The following PCBP3 variants were observed in gnomAD, a reference collection of about 807,000 sequenced individuals.
PCBP3 encodes poly(rC)-binding protein 3.
Under a neutral mutation model 52.7 loss-of-function variants are expected in PCBP3, and 25 were observed. That is an observed-to-expected ratio of 0.47 (90% CI 0.35 to 0.66). The LOEUF is 0.66. Ranked by LOEUF, PCBP3 falls within the 30% of genes least tolerant of loss-of-function variation. PCBP3 has a pLI of 0.01. For missense variants in PCBP3, 391 were observed against 490.3 expected, an observed-to-expected ratio of 0.80 and a Z score of 1.91; for synonymous variants, 162 against 183.0, an observed-to-expected ratio of 0.89 and a Z score of 0.93.
chr21:45,779,901 G>A (rs1369335553), intron 4 of PCBP3, among the ~76,000 whole-genome samples: 2 of 152,152 alleles, frequency 1.3e-5, no homozygotes, highest in Non-Finnish European at 2.9e-5. Flanking sequence ...AATGCAGTGT[G>A]GTATTGCTGT....
intron 3 of PCBP3, among the ~76,000 whole-genome samples, chr21:45,742,322 T>C (rs1198747428): frequency 6.6e-6 from 1 of 152,242 alleles, no homozygotes; most frequent in Non-Finnish European, 1.5e-5. Flanking sequence ...CCAGAGTGCC[T>C]GTGCTGTTGT....
intron 2 of PCBP3, among the ~76,000 whole-genome samples, chr21:45,686,461 T>C (rs1205981336): frequency 1.3e-5 from 2 of 152,174 alleles, no homozygotes; most frequent in Non-Finnish European, 2.9e-5. Context: ...TACTATTCTT[T>C]TAAAAAATAA....
At chr21:45,753,380 T>C (rs760925994) in intron 3 of PCBP3, among the ~76,000 whole-genome samples, 2 of 152,060 alleles carry the variant, frequency 1.3e-5, no homozygotes, top group Non-Finnish European at 2.9e-5. Flanking sequence ...AAGCAAATTT[T>C]GTCTGATGTA....
intron 5 of PCBP3, among the ~76,000 whole-genome samples, chr21:45,867,076 C>T (rs948611836): frequency 9.2e-5 from 14 of 152,212 alleles, no homozygotes; most frequent in Non-Finnish European, 1.8e-4. Flanking sequence ...TTCAAAAACA[C>T]GGTTTAGTAC....
intron 5 of PCBP3, among the ~76,000 whole-genome samples, chr21:45,854,456 C>G (rs904374427): frequency 1.3e-5 from 2 of 152,178 alleles, no homozygotes; most frequent in Admixed American, 1.3e-4. Flanking sequence ...ATCCTACTCT[C>G]TGTCTCTAGG....
intron 4 of PCBP3, chr21:45,848,118 A>T (rs2093855869): frequency 6.6e-6 from 1 of 152,280 alleles, no homozygotes; most frequent in African/African-American, 2.4e-5. Flanking sequence ...CAAAACGCAC[A>T]AACAAAGCAA....
chr21:45,892,455 G>A (rs574458822), intron 5 of PCBP3, among the ~76,000 whole-genome samples: 2 of 127,874 alleles, frequency 1.6e-5, no homozygotes, highest in Admixed American at 8.2e-5. Flanking sequence ...GCGCAGTCCC[G>A]TCTCTGACGG....
chr21:45,809,639 G>GCCA (rs2092621741), intron 4 of PCBP3, among the ~76,000 whole-genome samples: 1 of 152,116 alleles, frequency 6.6e-6, no homozygotes, highest in African/African-American at 2.4e-5. Context: ...CCCCCCTGCC[G>GCCA]CTGCCACTAC....
rs1356356247 is a variant in PCBP3 at position 45,865,318 on chromosome 21, A to G, written c.10+15223A>G. On this transcript the variant is annotated intron_variant, in intron 5 of 17. Coordinates refer to ENST00000681687, the MANE Select transcript of PCBP3 (RefSeq NM_001384156.1). ...CTGCTCATGTTTAAAAAATTACAAA[A>G]TCGTAGCCCACCCCCAGTCGCCTTT... 2.0e-5 allele frequency among the ~76,000 whole-genome samples: 3 copies of G among 152,186 alleles called. No homozygotes were observed. The East Asian group carries it at 5.8e-4, about 29-fold the overall frequency.
At chr21:45,675,604 G>T (rs2081415185) in intron 2 of PCBP3, among the ~76,000 whole-genome samples, 2 of 152,340 alleles carry the variant, frequency 1.3e-5, no homozygotes, top group South Asian at 4.1e-4. Flanking sequence ...TGAAAGCAGA[G>T]CGGGGCCTCA....
At chr21:45,919,604 C>T (rs925656025) in intron 13 of PCBP3, 1 of 152,224 alleles carries the variant, frequency 6.6e-6, no homozygotes, top group Non-Finnish European at 1.5e-5. Context: ...AGCCTTTCCC[C>T]ACCTGCCCCA....
rs8130554 is a variant in PCBP3 at position 45,860,999 on chromosome 21, C to T, written c.10+10904C>T. 3.0e-3 allele frequency among the ~76,000 whole-genome samples: 456 copies of T among 152,328 alleles called. 1 individual carries two copies. Among genetic ancestry groups the T allele is most frequent in the Non-Finnish European group, 4.8e-3 (328 of 68,022 alleles). ...CCCCTCGCCCTCACTGGGCTCTTGG[C>T]GGCACTGAGCCAGCGGCTCCTCCTG... On this transcript the variant is annotated intron_variant, in intron 5 of 17. Coordinates refer to ENST00000681687, the MANE Select transcript of PCBP3 (RefSeq NM_001384156.1).
rs186223102 is a variant in PCBP3 at position 45,852,744 on chromosome 21, C to T, written c.10+2649C>T. On this transcript the variant is annotated intron_variant, in intron 5 of 17. Transcript: ENST00000681687. Reference sequence around the variant, plus strand: ...AGAAGGAACACAGCCCTGCAGCCACCGTGACTTTTGTTCAGAAGGAACACA... The same window carrying T: ...AGAAGGAACACAGCCCTGCAGCCACTGTGACTTTTGTTCAGAAGGAACACA... 3.9e-5 allele frequency among the ~76,000 whole-genome samples: 6 copies of T among 152,126 alleles called. No individual in the cohort carries two copies. The East Asian group carries it at 9.7e-4, about 24-fold the overall frequency.
intron 9 of PCBP3, among the ~76,000 whole-genome samples, chr21:45,906,406 T>G (rs1603483853): frequency 7.6e-6 from 1 of 131,674 alleles, no homozygotes; most frequent in Admixed American, 7.5e-5. Context: ...GCCGTAGGGG[T>G]GGGGTCGGGC....
intron 4 of PCBP3, among the ~76,000 whole-genome samples, chr21:45,769,167 C>A (rs2089639888): frequency 6.6e-6 from 1 of 152,250 alleles, no homozygotes; most frequent in Non-Finnish European, 1.5e-5. Flanking sequence ...TGGGCATTGG[C>A]TAAGGCCCAG....
intron 5 of PCBP3, among the ~76,000 whole-genome samples, chr21:45,892,264 G>A (rs1014299763): frequency 6.6e-6 from 1 of 152,202 alleles, no homozygotes; most frequent in Non-Finnish European, 1.5e-5. Flanking sequence ...ACCGTTTCCT[G>A]TCTTCTGGTC....
intron 4 of PCBP3, among the ~76,000 whole-genome samples, chr21:45,823,697 G>T (rs2093217741): frequency 6.6e-6 from 1 of 151,100 alleles, no homozygotes; most frequent in Admixed American, 6.6e-5. Flanking sequence ...AAAGAGTGTG[G>T]CAAAGGACCC....
intron 4 of PCBP3, among the ~76,000 whole-genome samples, chr21:45,766,349 G>A (rs1480474327): frequency 6.6e-6 from 1 of 152,246 alleles, no homozygotes; most frequent in African/African-American, 2.4e-5. Flanking sequence ...CCCTTGGGAG[G>A]TGATTAAGGT....
intron 5 of PCBP3, among the ~76,000 whole-genome samples, chr21:45,877,663 G>C (rs1296496121): frequency 6.6e-6 from 1 of 152,144 alleles, no homozygotes; most frequent in Non-Finnish European, 1.5e-5. Context: ...AAATTAGCCG[G>C]GTGTGATGGT....
Sources: gnomAD v4.1 joint callset for allele counts (sites outside exome capture counted in the v4.1 genomes callset) on GRCh38, gnomAD v4.1.1 for gene constraint, MANE v1.5 for transcripts, NCBI Gene and HGNC (gene_info 2026-07-23, HGNC 2026-07-21) for gene names.